SOX5: variants seen among roughly 807,000 people sequenced by gnomAD.
The protein encoded by SOX5 is transcription factor SOX-5.
In SOX5, 9 loss-of-function variants were observed where a neutral mutation model predicts 92.0. That is an observed-to-expected ratio of 0.10 (90% CI 0.06 to 0.17). The LOEUF (loss-of-function observed/expected upper bound fraction) is 0.17, where lower values mean the gene tolerates loss of function less well. Among genes scored for constraint, SOX5 ranks in the 10% least tolerant of loss-of-function variants. The pLI is 1.00. For synonymous variants in SOX5, 344 were observed against 336.3 expected (o/e 1.02, Z -0.25); for missense variants, 642 against 944.5 (o/e 0.68, Z 4.20).
At chr12:23,766,613 T>C (rs2094734762) in intron 3 of SOX5, among the ~76,000 whole-genome samples, 1 of 152,082 alleles carries the variant, frequency 6.6e-6, no homozygotes, top group African/African-American at 2.4e-5. Flanking sequence ...GACTAAGATG[T>C]GAAAGAGTAA....
At chr12:24,010,154 C>G (rs1952749088) in intron 4 of SOX5, among the ~76,000 whole-genome samples, 1 of 152,096 alleles carries the variant, frequency 6.6e-6, no homozygotes, top group Admixed American at 6.6e-5. Context: ...TACAATGTGC[C>G]AGAAACTTTT....
intron 4 of SOX5, among the ~76,000 whole-genome samples, chr12:24,009,085 C>A (rs1952630820): frequency 6.6e-6 from 1 of 152,202 alleles, no homozygotes; most frequent in Non-Finnish European, 1.5e-5. Context: ...TTACAGCCAT[C>A]CCAGCAGACA....
At chr12:24,157,675 G>T (rs757873274) in intron 4 of SOX5, among the ~76,000 whole-genome samples, 52 of 152,158 alleles carry the variant, frequency 3.4e-4, no homozygotes, top group African/African-American at 1.1e-3. Flanking sequence ...TGTCCTAATA[G>T]AAGCCTTATA....
At chr12:23,913,700 C>T (rs2097377837) in intron 1 of SOX5, among the ~76,000 whole-genome samples, 1 of 148,904 alleles carries the variant, frequency 6.7e-6, no homozygotes, top group Non-Finnish European at 1.5e-5. Context: ...TGCACCACTG[C>T]ACCCCAGCCT....
chr12:24,015,922 GAAA>G lies in SOX5; in HGVS notation c.-1-119901_-1-119899del, dbSNP rs11334278. Among the ~76,000 whole-genome samples the G allele has an allele frequency of 1.2e-3, 177 of 145,204 alleles. 1 individual carries two copies. The highest frequency in any genetic ancestry group is 4.2e-3 in the African/African-American group (167 of 39,586). On this transcript the variant is annotated intron_variant, in intron 4 of 4. Transcript: ENST00000446891. ...CAAAGACTACTATTCAATGGGGGCAGAAAAAAAAAAAAAATCACAGTAAGACAG... is the reference window on the plus strand; with the variant it reads ...CAAAGACTACTATTCAATGGGGGCAGAAAAAAAAAAATCACAGTAAGACAG...
rs115668617 is a variant in SOX5, at chr12:23,996,755, T to C, written c.-1-100731A>G. Among the ~76,000 whole-genome samples, 1,503 of 152,290 alleles carry C rather than the reference T, an allele frequency of 9.9e-3. 29 individuals are homozygous for C. The highest frequency in any genetic ancestry group is 0.034 in the African/African-American group (1,429 of 41,564). ...CCTGTTCTGTATGATTCTATTTATA[T>C]GAAATACAAAGAACAGGTACATGCA... On this transcript the variant is annotated intron_variant, in intron 4 of 4. Coordinates refer to the SOX5 transcript ENST00000446891.
chr12:23,875,096 C>A (rs1205661365), intron 2 of SOX5, among the ~76,000 whole-genome samples: 2 of 152,170 alleles, frequency 1.3e-5, no homozygotes, highest in African/African-American at 4.8e-5. Context: ...CATCTTAAGA[C>A]TGTGTGGTTT....
intron 2 of SOX5, among the ~76,000 whole-genome samples, chr12:24,341,134 TAGTTTTTC>T: frequency 6.6e-6 from 1 of 152,358 alleles, no homozygotes; most frequent in Non-Finnish European, 1.5e-5. Context: ...CTACTCGTGA[TAGTTTTTC>T]AGTTTGATAA....
intron 8 of SOX5, among the ~76,000 whole-genome samples, chr12:23,627,643 C>T (rs2078005591): frequency 6.6e-6 from 1 of 152,080 alleles, no homozygotes; most frequent in Non-Finnish European, 1.5e-5. Flanking sequence ...AACAGTATCT[C>T]ATTTCACAGG....
intron 6 of SOX5, among the ~76,000 whole-genome samples, chr12:23,689,833 C>A (rs1233672163): frequency 6.6e-6 from 1 of 152,138 alleles, no homozygotes; most frequent in East Asian, 1.9e-4. Context: ...TAAATAAATT[C>A]TCACAGTGAG....
At chr12:23,790,470 C>T (rs2095451390) in intron 3 of SOX5, among the ~76,000 whole-genome samples, 1 of 150,914 alleles carries the variant, frequency 6.6e-6, no homozygotes, top group Admixed American at 6.6e-5. Context: ...TCTTTCACAA[C>T]CTCATTGTCC....
chr12:24,137,784 G>T (rs1950239236), intron 4 of SOX5, among the ~76,000 whole-genome samples: 1 of 152,192 alleles, frequency 6.6e-6, no homozygotes, highest in South Asian at 2.1e-4. Context: ...CAATGAGTTA[G>T]AATAAATGAG....
intron 2 of SOX5, among the ~76,000 whole-genome samples, chr12:23,857,407 A>G (rs1452549850): frequency 1.3e-5 from 2 of 152,186 alleles, no homozygotes; most frequent in Non-Finnish European, 2.9e-5. Flanking sequence ...GTGACAATAA[A>G]AGGCCTTCCA....
intron 7 of SOX5, among the ~76,000 whole-genome samples, chr12:23,641,924 T>C (rs1038661270): frequency 6.6e-6 from 1 of 152,236 alleles, no homozygotes; most frequent in African/African-American, 2.4e-5. Flanking sequence ...AAAACATTTA[T>C]TGAGTACCTG....
intron 13 of SOX5, 113 bp from the exon 14 acceptor site, chr12:23,536,782 A>G: frequency 1.3e-6 from 1 of 789,490 alleles, no homozygotes; most frequent in Admixed American, 2.0e-5. Context: ...AAACCCAGAA[A>G]TACATAAACC....
At chr12:24,323,478 A>G (rs1051407680) in intron 2 of SOX5, among the ~76,000 whole-genome samples, 2 of 151,796 alleles carry the variant, frequency 1.3e-5, no homozygotes, top group Non-Finnish European at 2.9e-5. Context: ...AACCATTTTT[A>G]ATGTCAAACA....
At chr12:24,307,517 G>GTTTGTACTTCAA (rs1595425741) in intron 2 of SOX5, among the ~76,000 whole-genome samples, 7 of 27,504 alleles carry the variant, frequency 2.5e-4, no homozygotes, top group African/African-American at 4.5e-4. Context: ...AAGGAAGGAA[G>GTTTGTACTTCAA]GCCGGCCCCC....
chr12:23,665,836 C>T (rs1229318273), intron 6 of SOX5, among the ~76,000 whole-genome samples: 1 of 152,086 alleles, frequency 6.6e-6, no homozygotes, highest in African/African-American at 2.4e-5. Flanking sequence ...ACGAAAATAT[C>T]ACTACTTTGC....
At position 24,349,221 on chromosome 12, in the gene SOX5, T is replaced by A. The variant is rs530145539; in HGVS notation, c.-174+19342A>T. ...TTTGCTAAACAATTCATCTAACTCA[T>A]CCCCTCTCCCCAGTTCCCCTCTGTC... On this transcript the variant is annotated intron_variant, in intron 2 of 4. Coordinates refer to the SOX5 transcript ENST00000446891. 1.2e-4 allele frequency among the ~76,000 whole-genome samples: 19 copies of A among 152,220 alleles called. No individual in the cohort carries two copies. The South Asian group carries it at 3.5e-3, about 28-fold the overall frequency.
Sources: allele counts gnomAD v4.1 joint callset (sites outside exome capture counted in the v4.1 genomes callset), GRCh38; gene constraint gnomAD v4.1.1; transcripts MANE v1.5; gene names NCBI Gene and HGNC (gene_info 2026-07-23, HGNC 2026-07-21).